The following ATP13A3 variants were observed in gnomAD, a reference collection of about 807,000 sequenced individuals.
The protein encoded by ATP13A3 is polyamine-transporting ATPase 13A3.
Under a neutral mutation model 158.1 loss-of-function variants are expected in ATP13A3, and 59 were observed. The observed-to-expected ratio is 0.37, with a 90% confidence interval of 0.30 to 0.46. The LOEUF (loss-of-function observed/expected upper bound fraction) is 0.46. Among genes scored for constraint, ATP13A3 ranks in the 20% least tolerant of loss-of-function variants. The pLI is 1.00. For missense variants in ATP13A3, 1,166 were observed against 1,525.2 expected, an observed-to-expected ratio of 0.76 and a Z score of 3.92; for synonymous variants, 491 against 504.3, an observed-to-expected ratio of 0.97 and a Z score of 0.35.
chr3:194,485,430 G>A (rs910236859), intron 2 of ATP13A3, among the ~76,000 whole-genome samples: 1 of 152,176 alleles, frequency 6.6e-6, no homozygotes, highest in African/African-American at 2.4e-5. Flanking sequence ...ATGTACCTTG[G>A]TAAAGAGGCT....
chr3:194,467,943 A>C (rs1452671889), intron 2 of ATP13A3: 1 of 152,324 alleles, frequency 6.6e-6, no homozygotes, highest in African/African-American at 2.4e-5. Flanking sequence ...CAAATTCGAT[A>C]TCAGAGAAAA....
intron 33 of ATP13A3, among the ~76,000 whole-genome samples, chr3:194,410,968 G>GTGTGTGTA (rs1715380571): frequency 6.8e-6 from 1 of 146,638 alleles, no homozygotes. Context: ...GTGTGTGTGT[G>GTGTGTGTA]TGTATACACA....
At chr3:194,490,679 C>T (rs1721136649), upstream of ATP13A3, among the ~76,000 whole-genome samples, 1 of 152,226 alleles carries the variant, frequency 6.6e-6, no homozygotes. This position sits in a 1 kb window ranked among gnomAD's most constrained non-coding sequence, Gnocchi z 4.4. Flanking sequence ...TCAGAAGGAT[C>T]TATAAGCTCC....
At chr3:194,424,690 T>C (rs951406703) in intron 30 of ATP13A3, among the ~76,000 whole-genome samples, 10 of 152,332 alleles carry the variant, frequency 6.6e-5, no homozygotes, top group Admixed American at 6.5e-4. Context: ...GCAATTTATA[T>C]GTAGTAACTG....
chr3:194,413,837 T>C lies in ATP13A3; in HGVS notation c.3405A>G (p.Ile1135Met), dbSNP rs1436394617. ...CACGCCACTGATATGGTACACACAC[T>C]ATCTGTAATGCAAAAACATTTTAAA... ...PVASVDQVLQ[I>M]VCVPYQWRVT... Residue 1135 changes from isoleucine (I) to methionine (M), a missense_variant and splice_region_variant, in exon 32 of 34, where the codon ATA becomes ATG. Physicochemically the swap from Ile to Met is conservative, Grantham distance 10 (BLOSUM62 1). Coordinates refer to ENST00000645319, the MANE Select transcript of ATP13A3 (RefSeq NM_001367549.1). 1 of 1,612,570 alleles carries C rather than the reference T, an allele frequency of 6.2e-7. No homozygotes were observed. The highest frequency in any genetic ancestry group is 1.3e-5 in the African/African-American group (1 of 74,894).
At chr3:194,420,202 C>T (rs997210185) in intron 30 of ATP13A3, 9 of 230,256 alleles carry the variant, frequency 3.9e-5, no homozygotes, top group African/African-American at 1.8e-4. Context: ...TAACTTTAAC[C>T]GTGAAAGTCC....
chr3:194,410,055 T>A (rs1488443413), intron 33 of ATP13A3, among the ~76,000 whole-genome samples: 1 of 151,748 alleles, frequency 6.6e-6, no homozygotes, highest in Non-Finnish European at 1.5e-5. Context: ...TATTTGATGA[T>A]TCTCAGAATC....
chr3:194,407,559 C>A (rs1247394298), intron 33 of ATP13A3, among the ~76,000 whole-genome samples: 1 of 152,174 alleles, frequency 6.6e-6, no homozygotes, highest in Non-Finnish European at 1.5e-5. Context: ...CCGCTGAGAG[C>A]ACGGTAAACG....
intron 8 of ATP13A3, 96 bp from the exon 9 acceptor site, chr3:194,454,488 G>T: frequency 1.5e-6 from 2 of 1,294,488 alleles, no homozygotes; most frequent in Non-Finnish European, 2.2e-6. Flanking sequence ...ATACAAATAT[G>T]TACAAGATAA....
At chr3:194,466,617 G>A (rs1444967464) in intron 2 of ATP13A3, among the ~76,000 whole-genome samples, 3 of 152,176 alleles carry the variant, frequency 2.0e-5, no homozygotes, top group Admixed American at 2.0e-4. Context: ...ATGGATACAT[G>A]AGAGTCCATT....
chr3:194,455,766 C>A (rs1719181699), intron 8 of ATP13A3, 127 bp downstream of exon 8: 3 of 666,448 alleles, frequency 4.5e-6, no homozygotes, highest in Admixed American at 3.2e-5. Context: ...CCGTCTTTAC[C>A]TTCCAAGTAA....
intron 11 of ATP13A3, among the ~76,000 whole-genome samples, chr3:194,449,496 G>T (rs1312934121): frequency 6.6e-6 from 1 of 152,030 alleles, no homozygotes; most frequent in Admixed American, 6.6e-5. Flanking sequence ...CCTGGCCAAC[G>T]TGGTGAAGCC....
intron 16 of ATP13A3, among the ~76,000 whole-genome samples, chr3:194,440,347 T>G (rs1188765238): frequency 1.3e-5 from 2 of 152,184 alleles, no homozygotes; most frequent in African/African-American, 4.8e-5. Flanking sequence ...GAGCAAAGGC[T>G]GCTGACATGA....
chr3:194,482,892 G>A (rs912904991), intron 2 of ATP13A3, among the ~76,000 whole-genome samples: 65 of 152,076 alleles, frequency 4.3e-4, no homozygotes, highest in Admixed American at 3.9e-4. Flanking sequence ...CGGATCACAA[G>A]GTCAGGAGTT....
Position 194,428,847 on chromosome 3 carries a change from G to C in ATP13A3, c.2945C>G (p.Thr982Arg). The C allele has an allele frequency of 6.3e-7, 1 of 1,584,934 alleles. No homozygotes were observed. Among genetic ancestry groups the C allele is most frequent in the Non-Finnish European group, 8.6e-7 (1 of 1,157,200 alleles). Residue 982 changes from threonine (T) to arginine (R), a missense_variant and splice_region_variant, in exon 28 of 34, where the codon ACA (threonine) becomes AGA (arginine). Thr to Arg is a moderately conservative substitution (Grantham distance 71). This residue lies in a region of ATP13A3 where 997 missense variants were observed against 1,341.2 expected (regional missense o/e 0.74). Coordinates refer to ENST00000645319, the MANE Select transcript of ATP13A3 (RefSeq NM_001367549.1). ...CAATAACAAAGCAAAATACTCACTT[G>C]TAAATACCACTACCAAAATGATTGC... ...DLAIILVVVF[T>R]MSLNPAWKEL...
rs1308779592 is a variant in ATP13A3 at position 194,419,600 on chromosome 3, G to C, written c.3402+279C>G. On this transcript the variant is annotated intron_variant, in intron 31 of 33. Transcript: ENST00000645319. ...TCAAGAAGTAGACTGGTAGAGAAGA[G>C]AGGAGTAACAGGTACCAGGATCAAC... Among the ~76,000 whole-genome samples the C allele has an allele frequency of 2.0e-5, 3 of 152,170 alleles. No individual in the cohort carries two copies. The East Asian group carries it at 5.8e-4, about 29-fold the overall frequency.
chr3:194,489,815 G>C (rs1474430131), upstream of ATP13A3, among the ~76,000 whole-genome samples: 1 of 152,184 alleles, frequency 6.6e-6, no homozygotes, highest in Non-Finnish European at 1.5e-5. The surrounding 1 kb of genome is among the most constrained non-coding windows in gnomAD (Gnocchi z 4.1). Context: ...GAAGTGCTGA[G>C]TCACCAGGAA....
chr3:194,438,622 C>T (rs979867972), intron 17 of ATP13A3, among the ~76,000 whole-genome samples: 2 of 152,056 alleles, frequency 1.3e-5, no homozygotes, highest in African/African-American at 4.8e-5. Context: ...CTTCTAGCAA[C>T]ATTTCAAAAT....
intron 6 of ATP13A3, among the ~76,000 whole-genome samples, chr3:194,458,451 C>T (rs980694852): frequency 6.6e-6 from 1 of 152,058 alleles, no homozygotes; most frequent in African/African-American, 2.4e-5. Flanking sequence ...CGGAGTGGCA[C>T]AGTATCAGCT....
Sources: gnomAD v4.1 joint callset for allele counts (sites outside exome capture counted in the v4.1 genomes callset) on GRCh38, gnomAD v4.1.1 for gene constraint, gnomAD v4.1.1 regional missense constraint, Gnocchi (gnomAD v3.1) non-coding constraint, MANE v1.5 for transcripts, NCBI Gene and HGNC (gene_info 2026-07-23, HGNC 2026-07-21) for gene names.